Variants in ASTN2 observed in about 807,000 individuals in gnomAD.
The protein encoded by ASTN2 is astrotactin 2, also known as astrotactin-2.
In ASTN2, 54 loss-of-function variants were observed where a neutral mutation model predicts 139.8. The observed-to-expected ratio is 0.39, with a 90% CI of 0.31 to 0.48. ASTN2 has a LOEUF of 0.48. ASTN2 is among the 20% of genes least tolerant of loss of function. The pLI, the probability that ASTN2 is intolerant of heterozygous loss-of-function variation, is 0.95. For missense variants in ASTN2, 1,565 were observed against 1,725.1 expected (o/e 0.91, Z 1.64); for synonymous variants, 756 against 719.5 (o/e 1.05, Z -0.81).
chr9:116,784,556 C>T (rs1387712030), intron 13 of ASTN2, among the ~76,000 whole-genome samples: 1 of 152,090 alleles, frequency 6.6e-6, no homozygotes, highest in South Asian at 2.1e-4. Flanking sequence ...TCTCCCATTC[C>T]CCTATTGTCC....
intron 20 of ASTN2, among the ~76,000 whole-genome samples, chr9:116,465,037 C>T (rs1342642144): frequency 1.1e-4 from 17 of 152,204 alleles, no homozygotes; most frequent in Admixed American, 1.0e-3. Flanking sequence ...GGACCCGGCT[C>T]TGTGCTTCTG....
chr9:116,482,537 G>T (rs771124042), intron 20 of ASTN2, among the ~76,000 whole-genome samples: 1 of 152,086 alleles, frequency 6.6e-6, no homozygotes, highest in Non-Finnish European at 1.5e-5. Flanking sequence ...CAGTGTGCAA[G>T]CCTCCGGGCT....
At chr9:116,613,677 G>GAC (rs1855678121) in intron 19 of ASTN2, 1 of 152,006 alleles carries the variant, frequency 6.6e-6, no homozygotes, top group African/African-American at 2.4e-5. Flanking sequence ...ATTCAACAGT[G>GAC]CTTCATGCTC....
intron 12 of ASTN2, among the ~76,000 whole-genome samples, chr9:116,810,370 A>G (rs1013707444): frequency 4.6e-5 from 7 of 152,164 alleles, no homozygotes; most frequent in African/African-American, 1.7e-4. Flanking sequence ...ACAGAGTCCA[A>G]ATGCTGAGTC....
intron 3 of ASTN2, among the ~76,000 whole-genome samples, chr9:117,145,915 G>A (rs916260605): frequency 6.6e-6 from 1 of 151,994 alleles, no homozygotes; most frequent in African/African-American, 2.4e-5. Context: ...AGCTGATACA[G>A]ATTTGAGTGG....
chr9:117,135,055 A>AGCACTGATGACACAGAAACACT (rs1438158343), intron 4 of ASTN2, among the ~76,000 whole-genome samples: 8 of 152,232 alleles, frequency 5.3e-5, no homozygotes, highest in Admixed American at 5.2e-4. Context: ...CCCTCACAGC[A>AGCACTGATGACACAGAAACACT]GCACTGATGA....
intron 3 of ASTN2, among the ~76,000 whole-genome samples, chr9:117,199,778 A>T (rs1238572300): frequency 6.6e-6 from 1 of 151,934 alleles, no homozygotes; most frequent in Non-Finnish European, 1.5e-5. Context: ...ATGTTTTTCC[A>T]TTTGTTTGTG....
rs1848744549 is a variant in ASTN2 at position 116,469,384 on chromosome 9, G to A, written c.3497+17975C>T. On this transcript the variant is annotated intron_variant, in intron 20 of 22. Transcript: ENST00000313400. ...AATTTCAATTGGCTTGTGGTATAGT[G>A]GTTTATGTATACAACTGGCTCCTCC... Among the ~76,000 whole-genome samples, 5 of 152,052 alleles carry A rather than the reference G, an allele frequency of 3.3e-5. No homozygotes were observed. In the South Asian group the frequency reaches 1.0e-3, roughly 32 times the overall value.
intron 13 of ASTN2, among the ~76,000 whole-genome samples, chr9:116,748,051 T>C (rs1295791399): frequency 2.0e-5 from 3 of 152,116 alleles, no homozygotes. Flanking sequence ...CTTCCAGAAC[T>C]TTCCCCTCCA....
chr9:117,266,252 C>T (rs557575083), intron 2 of ASTN2, among the ~76,000 whole-genome samples: 43 of 152,138 alleles, frequency 2.8e-4, no homozygotes, highest in Non-Finnish European at 6.0e-4. Flanking sequence ...TCCCTAAATG[C>T]CATGGGATCC....
chr9:116,749,221 A>G (rs1236976217), intron 13 of ASTN2, among the ~76,000 whole-genome samples: 1 of 152,218 alleles, frequency 6.6e-6, no homozygotes, highest in Non-Finnish European at 1.5e-5. Context: ...AATGGCAGCT[A>G]TTGCTGCTGT....
intron 3 of ASTN2, among the ~76,000 whole-genome samples, chr9:117,163,596 A>G (rs893037730): frequency 6.6e-6 from 1 of 152,046 alleles, no homozygotes; most frequent in African/African-American, 2.4e-5. Context: ...AAATCATCAC[A>G]ACCAATCCAG....
intron 2 of ASTN2, among the ~76,000 whole-genome samples, chr9:117,230,185 G>GGAAAAAA (rs370928845): frequency 7.2e-6 from 1 of 139,248 alleles, no homozygotes; most frequent in South Asian, 2.3e-4. Context: ...TCTTCAGGCT[G>GGAAAAAA]AAAAAAAAAA....
At chr9:116,645,109 A>G (rs1361656426) in intron 17 of ASTN2, among the ~76,000 whole-genome samples, 2 of 152,226 alleles carry the variant, frequency 1.3e-5, no homozygotes, top group African/African-American at 4.8e-5. Flanking sequence ...GTCAGATCAC[A>G]TAGACAGTAA....
At chr9:116,733,965 T>G (rs1335749861) in intron 13 of ASTN2, among the ~76,000 whole-genome samples, 1 of 151,968 alleles carries the variant, frequency 6.6e-6, no homozygotes, top group Non-Finnish European at 1.5e-5. Context: ...CTGAGAATAG[T>G]GCGTAGTGTT....
At chr9:116,492,107 A>G (rs758420376) in intron 19 of ASTN2, among the ~76,000 whole-genome samples, 1 of 150,840 alleles carries the variant, frequency 6.6e-6, no homozygotes, top group African/African-American at 2.4e-5. Context: ...TTTGAGAAAA[A>G]GTCTTTCTCT....
intron 10 of ASTN2, among the ~76,000 whole-genome samples, chr9:116,907,847 G>T (rs1834205982): frequency 6.6e-6 from 1 of 152,122 alleles, no homozygotes; most frequent in Non-Finnish European, 1.5e-5. Flanking sequence ...AGCCTCCTGG[G>T]CCTCAAATTC....
chr9:117,219,657 A>G (rs1416876604), intron 2 of ASTN2, among the ~76,000 whole-genome samples: 1 of 152,228 alleles, frequency 6.6e-6, no homozygotes, highest in Non-Finnish European at 1.5e-5. Flanking sequence ...TAAGCTGGAC[A>G]GATCTTGGGG....
At chr9:116,749,236 T>C (rs932414635) in intron 13 of ASTN2, among the ~76,000 whole-genome samples, 1 of 152,166 alleles carries the variant, frequency 6.6e-6, no homozygotes, top group Middle Eastern at 3.2e-3. Flanking sequence ...TGCTGTAAAA[T>C]GCACCACTCT....
Sources: gnomAD v4.1 joint callset for allele counts (sites outside exome capture counted in the v4.1 genomes callset) on GRCh38, gnomAD v4.1.1 for gene constraint, MANE v1.5 for transcripts, NCBI Gene and HGNC (gene_info 2026-07-23, HGNC 2026-07-21) for gene names.